The following CFDP1 variants were observed in gnomAD, a reference collection of about 807,000 sequenced individuals.
The protein encoded by CFDP1 is heterochromatin-stabilizing protein CFDP1.
CFDP1 carries 31 observed loss-of-function variants against 40.1 expected under a neutral mutation model. The ratio of observed to expected loss-of-function variants is 0.77; its 90% confidence interval spans 0.58 to 1.04. The LOEUF is 1.04. Ranked by LOEUF, CFDP1 falls within the 50% of genes least tolerant of loss-of-function variation. The pLI is 0.00. For synonymous variants in CFDP1, 167 were observed against 120.0 expected (o/e 1.39, Z -2.56); for missense variants, 423 against 343.4 (o/e 1.23, Z -1.83).
At position 75,374,945 on chromosome 16, in the gene CFDP1, C is replaced by G. The variant is rs2078780744; in HGVS notation, c.650+20145G>C. Among the ~76,000 whole-genome samples the G allele has an allele frequency of 2.0e-5, 3 of 152,116 alleles. No individual in the cohort carries two copies. The South Asian group carries it at 6.2e-4, about 32-fold the overall frequency. Reference sequence around the variant, plus strand: ...TATAGCTAGTGACTACTCTACTGAACAGTGGAGACCTTACAAAAACCCCAC... The same window carrying G: ...TATAGCTAGTGACTACTCTACTGAAGAGTGGAGACCTTACAAAAACCCCAC... On this transcript the variant is annotated intron_variant, in intron 5 of 6. Transcript: ENST00000283882.
intron 4 of CFDP1, among the ~76,000 whole-genome samples, chr16:75,404,703 T>TAA (rs959392870): frequency 2.1e-5 from 3 of 139,554 alleles, no homozygotes; most frequent in African/African-American, 7.9e-5. Context: ...CCTGGACTCT[T>TAA]AAAAAAAAAA....
chr16:75,358,160 A>T (rs2078658120), intron 5 of CFDP1, among the ~76,000 whole-genome samples: 1 of 152,208 alleles, frequency 6.6e-6, no homozygotes, highest in Admixed American at 6.5e-5. Flanking sequence ...AATAATGAAA[A>T]AATTTGAGAT....
intron 5 of CFDP1, among the ~76,000 whole-genome samples, chr16:75,332,083 TC>T (rs1249978417): frequency 1.3e-5 from 2 of 152,248 alleles, no homozygotes; most frequent in African/African-American, 4.8e-5. Flanking sequence ...TGAACACTTT[TC>T]ATGCGCTTCT....
At chr16:75,386,654 G>A (rs1174565684) in intron 5 of CFDP1, among the ~76,000 whole-genome samples, 1 of 152,190 alleles carries the variant, frequency 6.6e-6, no homozygotes, top group Non-Finnish European at 1.5e-5. Context: ...GAACCTGGGA[G>A]GCGAAGGCTG....
chr16:75,350,356 TA>T (rs2078602482), intron 5 of CFDP1, among the ~76,000 whole-genome samples: 1 of 152,186 alleles, frequency 6.6e-6, no homozygotes, highest in Non-Finnish European at 1.5e-5. Context: ...ACCAGCAAGG[TA>T]TGAAGGTTTC....
At chr16:75,412,469 G>A (rs771904129) in intron 3 of CFDP1, 66 bp downstream of exon 3, 1 of 1,245,174 alleles carries the variant, frequency 8.0e-7, no homozygotes, top group Non-Finnish European at 1.2e-6. Context: ...ATTTCCGTAG[G>A]CTTCAAATCT....
At chr16:75,329,742 G>C (rs1039918150) in intron 5 of CFDP1, among the ~76,000 whole-genome samples, 1 of 152,204 alleles carries the variant, frequency 6.6e-6, no homozygotes, top group Non-Finnish European at 1.5e-5. Flanking sequence ...TACCTGAAGA[G>C]AGTTGTATTT....
intron 5 of CFDP1, among the ~76,000 whole-genome samples, chr16:75,393,411 G>C (rs1489506730): frequency 6.6e-6 from 1 of 152,078 alleles, no homozygotes; most frequent in Non-Finnish European, 1.5e-5. Context: ...CTGTTGTTAA[G>C]AGCCAGGGCT....
chr16:75,409,952 T>C (rs539854698), intron 4 of CFDP1, among the ~76,000 whole-genome samples: 6 of 149,284 alleles, frequency 4.0e-5, no homozygotes, highest in East Asian at 2.0e-4. Context: ...CCAGGCAGAG[T>C]AGTACATCCC....
intron 1 of CFDP1, among the ~76,000 whole-genome samples, chr16:75,431,454 CAAAAAAA>C (rs60902612): frequency 1.0e-4 from 6 of 59,600 alleles, no homozygotes; most frequent in African/African-American, 1.3e-4. Context: ...ACTCTTGTCT[CAAAAAAA>C]AAAAAAAAAA....
intron 5 of CFDP1, among the ~76,000 whole-genome samples, chr16:75,316,763 A>T (rs192006848): frequency 6.6e-6 from 1 of 152,100 alleles, no homozygotes; most frequent in Non-Finnish European, 1.5e-5. Flanking sequence ...TGAGGTCAGG[A>T]GTTCGAGACC....
At chr16:75,408,200 T>C (rs889781109) in intron 4 of CFDP1, among the ~76,000 whole-genome samples, 5 of 152,106 alleles carry the variant, frequency 3.3e-5, no homozygotes, top group Admixed American at 2.6e-4. Context: ...TCCAGATTCA[T>C]TGCAGATAAA....
intron 4 of CFDP1, chr16:75,409,518 T>C (rs1053932675): frequency 3.3e-5 from 5 of 152,232 alleles, no homozygotes; most frequent in Admixed American, 6.5e-5. Flanking sequence ...TTCCTTTTTA[T>C]TGTGTTTTTA....
chr16:75,330,982 A>C (rs1245229752), intron 5 of CFDP1, among the ~76,000 whole-genome samples: 3 of 150,870 alleles, frequency 2.0e-5, no homozygotes, highest in African/African-American at 7.3e-5. Flanking sequence ...AAAAAAAAAA[A>C]AAACACAAAG....
chr16:75,338,577 G>A (rs752858958), intron 5 of CFDP1, among the ~76,000 whole-genome samples: 2 of 152,198 alleles, frequency 1.3e-5, no homozygotes, highest in Non-Finnish European at 2.9e-5. Context: ...GTCTAGTGAT[G>A]TCACTGCTGT....
intron 1 of CFDP1, among the ~76,000 whole-genome samples, chr16:75,431,311 G>A (rs1014347129): frequency 6.6e-6 from 1 of 151,802 alleles, no homozygotes; most frequent in Admixed American, 6.6e-5. Context: ...AAAATCATTC[G>A]GGTGTGCTGG....
chr16:75,422,134 T>G (rs1367096630), intron 1 of CFDP1, among the ~76,000 whole-genome samples: 1 of 152,214 alleles, frequency 6.6e-6, no homozygotes, highest in Non-Finnish European at 1.5e-5. Flanking sequence ...TTCGCTCTTT[T>G]TGCCCAGGCT....
In CFDP1 at chr16:75,349,686, A is replaced by ATATATATATATATATATATATAT. The variant is rs56373574; in HGVS notation, c.651-44505_651-44504insATATATATATATATATATATATA. ...AAAAAAAAAAAAAAAAAAAAAAAAA[A>ATATATATATATATATATATATAT]AAAAATATATATACATACATATATA... On this transcript the variant is annotated intron_variant, in intron 5 of 6. Transcript: ENST00000283882. Among the ~76,000 whole-genome samples the ATATATATATATATATATATATAT allele has an allele frequency of 2.6e-3, 23 of 8,890 alleles. 1 individual carries two copies. The highest frequency in any genetic ancestry group is 3.8e-3 in the South Asian group (1 of 260). 5.8% of individuals were successfully genotyped at this position (8,890 alleles called of 152,430 possible). A position where few individuals can be genotyped will look rare whatever the true frequency, so the allele number is the denominator to read the frequency against.
chr16:75,328,374 C>T (rs2078418987), intron 5 of CFDP1, among the ~76,000 whole-genome samples: 1 of 147,214 alleles, frequency 6.8e-6, no homozygotes, highest in Non-Finnish European at 1.5e-5. Context: ...CACCTGAGGT[C>T]AGGAGTTCGA....
Sources: gnomAD v4.1 joint callset for allele counts (sites outside exome capture counted in the v4.1 genomes callset) on GRCh38, gnomAD v4.1.1 for gene constraint, MANE v1.5 for transcripts, NCBI Gene and HGNC (gene_info 2026-07-23, HGNC 2026-07-21) for gene names.